ELFN2: variants seen among roughly 807,000 people sequenced by gnomAD.
The protein encoded by ELFN2 is extracellular leucine rich repeat and fibronectin type III domain containing 2.
In ELFN2, 17 loss-of-function variants were observed where a neutral mutation model predicts 45.5. The observed-to-expected ratio is 0.37, with a 90% confidence interval of 0.26 to 0.56. The LOEUF (loss-of-function observed/expected upper bound fraction) is 0.56, where lower values mean the gene tolerates loss of function less well. ELFN2 is among the 20% of genes least tolerant of loss of function. ELFN2 has a pLI of 0.77. For synonymous variants in ELFN2, 550 were observed against 551.5 expected (o/e 1.00, Z 0.04); for missense variants, 922 against 1,183.2 (o/e 0.78, Z 3.24).
intron 2 of ELFN2, among the ~76,000 whole-genome samples, chr22:37,405,875 G>A (rs1041915956): frequency 5.3e-5 from 8 of 151,824 alleles, no homozygotes; most frequent in African/African-American, 1.2e-4. Context: ...AATGGCTCGC[G>A]CTTGTCATCT....
chr22:37,415,266 GGCA>G (rs1932746109), intron 2 of ELFN2, among the ~76,000 whole-genome samples: 1 of 152,210 alleles, frequency 6.6e-6, no homozygotes, highest in Non-Finnish European at 1.5e-5. Flanking sequence ...TTATTCTCAG[GGCA>G]CCACCAGCCA....
chr22:37,383,655 C>G (rs906115302), intron 2 of ELFN2, among the ~76,000 whole-genome samples: 3 of 152,248 alleles, frequency 2.0e-5, no homozygotes, highest in African/African-American at 7.2e-5. Context: ...CCCAAGCAGC[C>G]GCACACCCAC....
chr22:37,361,405 G>T (rs550915616), intron 1 of ELFN2, among the ~76,000 whole-genome samples: 20 of 148,002 alleles, frequency 1.4e-4, no homozygotes, highest in African/African-American at 4.3e-4. Flanking sequence ...CCCAGGAGAA[G>T]TTCCTGCCAG....
rs528587409 is a variant in ELFN2, at chr22:37,404,265, C to T, written c.-463+13504G>A. Among the ~76,000 whole-genome samples, 26 of 152,178 alleles carry T rather than the reference C, an allele frequency of 1.7e-4. No individual in the cohort carries two copies. In the East Asian group the frequency reaches 2.9e-3, roughly 17 times the overall value. ...GAATGCATCGGAGGGGCGGGAATGG[C>T]GCCAGCGGCCTGTGAGGAGGCTGCA... On this transcript the variant is annotated intron_variant, in intron 2 of 2. Coordinates refer to ENST00000402918, the MANE Select transcript of ELFN2 (RefSeq NM_052906.5).
chr22:37,345,134 GC>G (rs57566422), intron 1 of ELFN2, among the ~76,000 whole-genome samples: 56,397 of 152,060 alleles, frequency 0.37, 10,739 homozygotes, highest in Non-Finnish European at 0.42. Context: ...CCCCTTCTGG[GC>G]CCACCAATCT....
chr22:37,424,066 C>T (rs904508279), intron 1 of ELFN2, among the ~76,000 whole-genome samples: 6 of 152,090 alleles, frequency 3.9e-5, no homozygotes, highest in Admixed American at 6.6e-5. Flanking sequence ...TCCTACTTCT[C>T]GGCCATCCAC....
At chr22:37,365,558 G>A (rs571728328), downstream of ELFN2, among the ~76,000 whole-genome samples, 3 of 152,334 alleles carry the variant, frequency 2.0e-5, no homozygotes, top group South Asian at 6.2e-4. Flanking sequence ...TGGAAAAAAA[G>A]AAGGAAGGAA....
intron 1 of ELFN2, among the ~76,000 whole-genome samples, chr22:37,360,070 T>C (rs1004661924): frequency 2.6e-5 from 4 of 152,232 alleles, no homozygotes; most frequent in African/African-American, 9.7e-5. Flanking sequence ...ATGGTGCTGG[T>C]GGTGGGCATG....
chr22:37,420,460 C>T (rs1350654226), intron 1 of ELFN2: 1 of 153,066 alleles, frequency 6.5e-6, no homozygotes, highest in Non-Finnish European at 1.5e-5. Context: ...TCACCTCCAC[C>T]TCCGCCTCTG....
In ELFN2 at chr22:37,375,719, A is replaced by G. The variant is rs920619253; in HGVS notation, c.-185T>C. ...TGGGGATCTTCTAGGGTGCTACAGC[A>G]GGCACTAGGCCTGGCTAGGGCTGGG... On this transcript the variant is annotated 5_prime_UTR_variant, in exon 3 of 3. Coordinates refer to ENST00000402918, the MANE Select transcript of ELFN2 (RefSeq NM_052906.5). 2.8e-6 allele frequency: 2 copies of G among 702,818 alleles called. No individual in the cohort carries two copies. Among genetic ancestry groups the G allele is most frequent in the Admixed American group, 3.1e-5 (1 of 32,266 alleles). The allele number at this position is 702,818 out of a possible 1,614,324, so 43.5% of individuals were successfully genotyped here.
Position 37,375,825 on chromosome 22 carries a change from T to A in ELFN2, c.-291A>T. The A allele has an allele frequency of 2.2e-6, 1 of 464,388 alleles. No homozygotes were observed. The highest frequency in any genetic ancestry group is 3.9e-6 in the Non-Finnish European group (1 of 257,062). 28.8% of individuals were successfully genotyped at this position (464,388 alleles called of 1,614,324 possible). On this transcript the variant is annotated 5_prime_UTR_variant, in exon 3 of 3. Coordinates refer to ENST00000402918, the MANE Select transcript of ELFN2 (RefSeq NM_052906.5). Reference sequence around the variant, plus strand: ...GGAAGGTGCAAGGGTTCTCAGGGCTTGACTTCCTCTCCCTCCTCCTCCTCC... The same window carrying A: ...GGAAGGTGCAAGGGTTCTCAGGGCTAGACTTCCTCTCCCTCCTCCTCCTCC...
At chr22:37,422,429 A>G (rs1209936581) in intron 1 of ELFN2, among the ~76,000 whole-genome samples, 3 of 151,966 alleles carry the variant, frequency 2.0e-5, no homozygotes, top group Non-Finnish European at 4.4e-5. Context: ...TGTTCTGGCC[A>G]GGCACAGTGG....
intron 1 of ELFN2, among the ~76,000 whole-genome samples, chr22:37,360,191 C>CCAGCCCTAAGTTCATAG (rs1218155561): frequency 6.6e-5 from 10 of 152,170 alleles, no homozygotes; most frequent in African/African-American, 2.2e-4. Context: ...GGTGGTCAGT[C>CCAGCCCTAAGTTCATAG]CAGCCCTAAG....
At chr22:37,411,869 A>G (rs1932656564) in intron 2 of ELFN2, among the ~76,000 whole-genome samples, 2 of 152,112 alleles carry the variant, frequency 1.3e-5, no homozygotes, top group African/African-American at 4.8e-5. Context: ...GTGACCACTC[A>G]GGCGTGGGAT....
rs1051066819 is a variant in ELFN2, at chr22:37,368,156, C to G, written c.*4916G>C. 2.6e-5 allele frequency: 4 copies of G among 152,304 alleles called. No homozygotes were observed. Among genetic ancestry groups the G allele is most frequent in the Non-Finnish European group, 4.4e-5 (3 of 68,116 alleles). The allele number at this position is 152,304 out of a possible 1,614,324, so 9.4% of individuals were successfully genotyped here. A position where few individuals can be genotyped will look rare whatever the true frequency, so the allele number is the denominator to read the frequency against. ...AGAAAAGGAGAGGGTTCAAGGCCCT[C>G]AGAGGAAGGAAAGTTTCGTAACACA... On this transcript the variant is annotated 3_prime_UTR_variant, in exon 3 of 3. Coordinates refer to ENST00000402918, the MANE Select transcript of ELFN2 (RefSeq NM_052906.5).
chr22:37,359,515 T>C (rs1931030196), intron 1 of ELFN2, among the ~76,000 whole-genome samples: 1 of 152,228 alleles, frequency 6.6e-6, no homozygotes, highest in South Asian at 2.1e-4. Flanking sequence ...TGTCGCAGCC[T>C]CCTTCATTCA....
chr22:37,385,169 CG>C (rs1197723985), intron 2 of ELFN2: 1 of 152,234 alleles, frequency 6.6e-6, no homozygotes, highest in Non-Finnish European at 1.5e-5. Context: ...GAGGGATGGG[CG>C]GCCTCCGACA....
chr22:37,421,406 T>C (rs923846616), intron 1 of ELFN2, among the ~76,000 whole-genome samples: 1 of 152,100 alleles, frequency 6.6e-6, no homozygotes, highest in African/African-American at 2.4e-5. Flanking sequence ...TGGCACAAAC[T>C]CTCCAGCCCT....
Position 37,372,967 on chromosome 22 carries a change from TG to T in ELFN2, c.*104del, listed in dbSNP as rs1464961562. On this transcript the variant is annotated 3_prime_UTR_variant, in exon 3 of 3. Transcript: ENST00000402918. This position sits in a 1 kb window ranked among gnomAD's most constrained non-coding sequence, Gnocchi z 4.4. ...GCGGGTCTGCATGTGCGTCCTCTCC[TG>T]GGCCTTGGCCCCCGAGTCTGCTCCC... The T allele has an allele frequency of 3.7e-6, 5 of 1,345,938 alleles. No individual in the cohort carries two copies. The African/African-American group carries it at 4.4e-5, about 12-fold the overall frequency. The allele number at this position is 1,345,938 out of a possible 1,614,324, so 83.4% of individuals were successfully genotyped here. A position where few individuals can be genotyped will look rare whatever the true frequency, so the allele number is the denominator to read the frequency against.
Sources: allele counts gnomAD v4.1 joint callset (sites outside exome capture counted in the v4.1 genomes callset), GRCh38; gene constraint gnomAD v4.1.1; non-coding constraint Gnocchi (gnomAD v3.1); transcripts MANE v1.5; gene names NCBI Gene and HGNC (gene_info 2026-07-23, HGNC 2026-07-21).